Variants in DICER1 observed in about 807,000 individuals in gnomAD.
DICER1 encodes dicer 1, ribonuclease III, also known as endoribonuclease Dicer.
A neutral mutation model predicts 194.1 loss-of-function variants in DICER1; 43 were observed. The ratio of observed to expected loss-of-function variants is 0.22; its 90% CI spans 0.17 to 0.29. The LOEUF is 0.29. Among genes scored for constraint, DICER1 ranks in the 10% least tolerant of loss-of-function variants. The pLI, the probability that DICER1 is intolerant of heterozygous loss-of-function variation, is 1.00. For synonymous variants in DICER1, 832 were observed against 820.5 expected, an observed-to-expected ratio of 1.01 and a Z score of -0.24; for missense variants, 1,608 against 2,317.0, an observed-to-expected ratio of 0.69 and a Z score of 6.28.
In DICER1 at chr14:95,125,402, A is replaced by C. The variant is rs111768463; in HGVS notation, c.904-734T>G. Reference sequence around the variant, plus strand: ...CAACATTAACATCTCAGCTAAATTCAGACTCTGATCCTGGACCCTCCCAGA... The same window carrying C: ...CAACATTAACATCTCAGCTAAATTCCGACTCTGATCCTGGACCCTCCCAGA... On this transcript the variant is annotated intron_variant, in intron 7 of 26. Transcript: ENST00000343455. 7.1e-3 allele frequency among the ~76,000 whole-genome samples: 1,072 copies of C among 150,664 alleles called. 13 individuals carry two copies. The highest frequency in any genetic ancestry group is 0.025 in the African/African-American group (1,019 of 40,780).
chr14:95,138,752 G>A (rs1894605498), intron 1 of DICER1, among the ~76,000 whole-genome samples: 1 of 144,076 alleles, frequency 6.9e-6, no homozygotes. Context: ...TCACTCATAG[G>A]TGGGAATTGA....
intron 1 of DICER1, among the ~76,000 whole-genome samples, chr14:95,156,604 C>G (rs1895884867): frequency 6.6e-6 from 1 of 152,272 alleles, no homozygotes; most frequent in African/African-American, 2.4e-5. Context: ...ATCAAAAACC[C>G]TGAAGAAAGG....
chr14:95,100,965 C>T (rs1165665507), intron 21 of DICER1, among the ~76,000 whole-genome samples: 1 of 152,124 alleles, frequency 6.6e-6, no homozygotes, highest in Admixed American at 6.6e-5. Flanking sequence ...ATGCTAGCTT[C>T]CCTTTCCAAG....
intron 8 of DICER1, among the ~76,000 whole-genome samples, chr14:95,123,812 C>T (rs1025969728): frequency 3.9e-5 from 6 of 152,178 alleles, no homozygotes; most frequent in Non-Finnish European, 2.9e-5. Context: ...GAGGGGAACA[C>T]TTGGTGTGAA....
chr14:95,096,116 C>T lies in DICER1; in HGVS notation c.4804G>A (p.Ala1602Thr), dbSNP rs145669719. The T allele has an allele frequency of 1.4e-4, 218 of 1,614,064 alleles. No individual in the cohort carries two copies. The highest frequency in any genetic ancestry group is 1.6e-4 in the Non-Finnish European group (184 of 1,180,036). ...AAATTCTCCCGAGTAGGGCACAGGGCCTTTTCCCGATCAGTCCTTTTAATT... is the reference window on the plus strand; with the variant it reads ...AAATTCTCCCGAGTAGGGCACAGGGTCTTTTCCCGATCAGTCCTTTTAATT... ...PVIKRTDREKALCPTRENFNS... is the reference protein window; with the variant it reads ...PVIKRTDREKTLCPTRENFNS... The change falls in exon 23 of 27, where the codon GCC becomes ACC. Residue 1602 changes from alanine (A) to threonine (T), a missense_variant. By Grantham distance (58) the Ala-to-Thr change is moderately conservative. Around this residue, in one of 10 missense-constraint regions of DICER1, gnomAD observed 125 missense variants for 134.9 expected, o/e 0.93. Coordinates refer to ENST00000343455, the MANE Select transcript of DICER1 (RefSeq NM_177438.3).
chr14:95,109,055 G>C (rs920406537), intron 14 of DICER1, among the ~76,000 whole-genome samples: 1 of 152,022 alleles, frequency 6.6e-6, no homozygotes, highest in Non-Finnish European at 1.5e-5. Context: ...CACAACACTG[G>C]TGTATATTAG....
chr14:95,143,245 G>C (rs894322236), intron 1 of DICER1, among the ~76,000 whole-genome samples: 2 of 152,114 alleles, frequency 1.3e-5, no homozygotes, highest in African/African-American at 4.8e-5. Flanking sequence ...CTGCAATCAC[G>C]CCTACATCAC....
At position 95,130,322 on chromosome 14, in the gene DICER1, A is replaced by T; in HGVS notation, c.439-130T>A. On this transcript the variant is annotated intron_variant, in intron 4 of 26. Coordinates refer to ENST00000343455, the MANE Select transcript of DICER1 (RefSeq NM_177438.3). ...AATTCATTAGTCAAAATTAAAACTA[A>T]AATACTAAATACATATAATTTTATA... The T allele has an allele frequency of 5.0e-6, 4 of 800,544 alleles. 1 individual carries two copies. In the South Asian group the frequency reaches 6.3e-5, roughly 13 times the overall value. The allele number at this position is 800,544 out of a possible 1,614,324, so 49.6% of individuals were successfully genotyped here. A position where few individuals can be genotyped will look rare whatever the true frequency, so the allele number is the denominator to read the frequency against.
rs1197755223 is a variant in DICER1 at position 95,103,743 on chromosome 14, G to C, written c.3653C>G (p.Ser1218Cys). 2 of 1,614,064 alleles carry C rather than the reference G, an allele frequency of 1.2e-6. No homozygotes were observed. The highest frequency in any genetic ancestry group is 2.7e-5 in the African/African-American group (2 of 74,928). The change falls in exon 21 of 27, where the codon TCC (serine) becomes TGC (cysteine). Residue 1218 changes from serine to cysteine, a missense_variant. Around this residue, in one of 10 missense-constraint regions of DICER1, gnomAD observed 222 missense variants for 215.5 expected, o/e 1.03. Transcript: ENST00000343455. ...EIPVQPTTSYSIQNLYSYENQ... is the reference protein window; with the variant it reads ...EIPVQPTTSYCIQNLYSYENQ... ...CTCGTAACTGTATAAATTCTGAATG[G>C]AATATGAGGTAGTTGGTTGCACGGG...
intron 6 of DICER1, among the ~76,000 whole-genome samples, chr14:95,128,631 T>C (rs937625764): frequency 1.3e-5 from 2 of 152,246 alleles, no homozygotes; most frequent in Admixed American, 6.5e-5. Context: ...AAGAATCCCA[T>C]GAAACCACTG....
At chr14:95,111,522 G>C in intron 13 of DICER1, 66 bp from the exon 14 acceptor site, 1 of 1,533,846 alleles carries the variant, frequency 6.5e-7, no homozygotes, top group Non-Finnish European at 9.0e-7. Flanking sequence ...AAAGAATTTA[G>C]AACAGAACTA....
At chr14:95,156,613 G>A (rs1279220277) in intron 1 of DICER1, among the ~76,000 whole-genome samples, 2 of 152,250 alleles carry the variant, frequency 1.3e-5, no homozygotes, top group Admixed American at 1.3e-4. Context: ...CCTGAAGAAA[G>A]GGTCCTCCGC....
intron 7 of DICER1, among the ~76,000 whole-genome samples, chr14:95,125,333 T>C (rs1052614157): frequency 4.0e-5 from 6 of 151,582 alleles, no homozygotes; most frequent in African/African-American, 1.2e-4. Flanking sequence ...AAAGCCCCTG[T>C]TATCCGATTT....
At chr14:95,116,136 A>G (rs1414500347) in intron 10 of DICER1, among the ~76,000 whole-genome samples, 2 of 151,966 alleles carry the variant, frequency 1.3e-5, no homozygotes, top group African/African-American at 4.8e-5. Flanking sequence ...TCATTTTCCA[A>G]TCACTCAATA....
chr14:95,094,169 GA>G lies in DICER1; in HGVS notation c.5096-14del. On this transcript the variant is annotated splice_polypyrimidine_tract_variant and intron_variant, in intron 23 of 26. Transcript: ENST00000343455. ...CGCTGGTAACAATCTGAGGGGATCC[GA>G]AGTGGAACCGTAAGCTTGTGCAGAA... 6.2e-7 allele frequency: 1 copy of G among 1,613,960 alleles called. No homozygotes were observed. The highest frequency in any genetic ancestry group is 8.5e-7 in the Non-Finnish European group (1 of 1,180,002).
chr14:95,121,007 G>A (rs1467297697), intron 8 of DICER1, among the ~76,000 whole-genome samples: 1 of 152,116 alleles, frequency 6.6e-6, no homozygotes, highest in Admixed American at 6.5e-5. Flanking sequence ...TGAACATGAC[G>A]AGTGACGTTT....
At chr14:95,115,222 G>T (rs140300944) in intron 11 of DICER1, among the ~76,000 whole-genome samples, 59 of 152,292 alleles carry the variant, frequency 3.9e-4, no homozygotes, top group African/African-American at 1.4e-3. Context: ...GAATGCATTT[G>T]CTGTTCTTAG....
intron 8 of DICER1, among the ~76,000 whole-genome samples, chr14:95,118,767 A>C (rs1892703948): frequency 6.6e-6 from 1 of 152,056 alleles, no homozygotes; most frequent in South Asian, 2.1e-4. Flanking sequence ...AATTCCAAAT[A>C]GAAAATTGCA....
At position 95,105,637 on chromosome 14, in the gene DICER1, C is replaced by T; in HGVS notation, c.3093+41G>A. 1.5e-6 allele frequency: 2 copies of T among 1,377,000 alleles called. No individual in the cohort carries two copies. Among genetic ancestry groups the T allele is most frequent in the Non-Finnish European group, 2.1e-6 (2 of 965,406 alleles). 85.3% of individuals were successfully genotyped at this position (1,377,000 alleles called of 1,614,324 possible). On this transcript the variant is annotated intron_variant, in intron 19 of 26. Transcript: ENST00000343455. This position sits in a 1 kb window ranked among gnomAD's most constrained non-coding sequence, Gnocchi z 4.9. ...CTTATCTTTAATAATCTTTAATACT[C>T]AAACAAATACTAAGTTATGCTAGTA...
Sources: gnomAD v4.1 joint callset for allele counts (sites outside exome capture counted in the v4.1 genomes callset) on GRCh38, gnomAD v4.1.1 for gene constraint, gnomAD v4.1.1 regional missense constraint, Gnocchi (gnomAD v3.1) non-coding constraint, MANE v1.5 for transcripts, NCBI Gene and HGNC (gene_info 2026-07-23, HGNC 2026-07-21) for gene names.